The following GAP43 variants were observed in gnomAD, a reference collection of about 807,000 sequenced individuals.
The protein encoded by GAP43 is neuromodulin.
A neutral mutation model predicts 18.6 loss-of-function variants in GAP43; 6 were observed. The ratio of observed to expected loss-of-function variants is 0.32; its 90% CI spans 0.18 to 0.64. The LOEUF is 0.64. GAP43 is among the 30% of genes least tolerant of loss of function. The probability of loss-of-function intolerance (pLI) is 0.78; values close to 1 mark genes in which losing one functional copy is unlikely to be tolerated. For missense variants in GAP43, 292 were observed against 295.5 expected, an observed-to-expected ratio of 0.99 and a Z score of 0.09; for synonymous variants, 115 against 111.4, an observed-to-expected ratio of 1.03 and a Z score of -0.20.
At chr3:115,634,613 T>TA (rs1708306120) in intron 1 of GAP43, among the ~76,000 whole-genome samples, 1 of 151,590 alleles carries the variant, frequency 6.6e-6, no homozygotes, top group Non-Finnish European at 1.5e-5. Context: ...CTACAAAAAA[T>TA]AAAAAAATTA....
chr3:115,623,607 G>A lies in GAP43; in HGVS notation c.-83G>A, dbSNP rs1430968834. 3.2e-6 allele frequency: 5 copies of A among 1,570,780 alleles called. No individual in the cohort carries two copies. Among genetic ancestry groups the A allele is most frequent in the Non-Finnish European group, 4.4e-6 (5 of 1,142,498 alleles). ...GAGAGAGCGAGTGAGCAAGCGAGCA[G>A]AAAAGAGGTGGAGAGGGGGGGAATA... is the stretch of plus-strand genomic sequence containing the variant. On this transcript the variant is annotated 5_prime_UTR_variant, in exon 1 of 3. Transcript: ENST00000305124.
intron 2 of GAP43, among the ~76,000 whole-genome samples, chr3:115,702,658 T>C (rs1479084089): frequency 2.0e-5 from 3 of 152,054 alleles, no homozygotes; most frequent in African/African-American, 4.8e-5. Flanking sequence ...AGACAAGTTA[T>C]AGGTCAGGTA....
In GAP43 at chr3:115,644,969, T is replaced by C. The variant is rs1321286894; in HGVS notation, c.30+21250T>C. 1.3e-5 allele frequency among the ~76,000 whole-genome samples: 2 copies of C among 151,996 alleles called. No individual in the cohort carries two copies. The highest frequency in any genetic ancestry group is 6.6e-5 in the Admixed American group (1 of 15,240). On this transcript the variant is annotated intron_variant, in intron 1 of 2. Coordinates refer to ENST00000305124, the MANE Select transcript of GAP43 (RefSeq NM_002045.4). This position sits in a 1 kb window ranked among gnomAD's most constrained non-coding sequence, Gnocchi z 4.2. ...AACAGTCTTGTTGAGGCAGGGAGCCTAAAGAAGCTATTCAATCTTTTATCT... is the reference window on the plus strand; with the variant it reads ...AACAGTCTTGTTGAGGCAGGGAGCCCAAAGAAGCTATTCAATCTTTTATCT...
At chr3:115,711,139 A>G (rs1016980497) in intron 2 of GAP43, among the ~76,000 whole-genome samples, 13 of 152,196 alleles carry the variant, frequency 8.5e-5, no homozygotes, top group Admixed American at 2.6e-4. Flanking sequence ...TGGGTGTTAA[A>G]GTATCTCTTA....
At chr3:115,690,875 C>T (rs1352468108) in intron 2 of GAP43, among the ~76,000 whole-genome samples, 2 of 151,736 alleles carry the variant, frequency 1.3e-5, no homozygotes, top group Non-Finnish European at 2.9e-5. Context: ...CCTGCCTCAG[C>T]CTCCTGAGTA....
rs1355891858 is a variant in GAP43 at position 115,721,349 on chromosome 3, C to G, written c.*467C>G. The G allele has an allele frequency of 6.6e-6, 1 of 151,634 alleles. No individual in the cohort carries two copies. Among genetic ancestry groups the G allele is most frequent in the Admixed American group, 6.6e-5 (1 of 15,240 alleles). 9.4% of individuals were successfully genotyped at this position (151,634 alleles called of 1,614,324 possible). A position where few individuals can be genotyped will look rare whatever the true frequency, so the allele number is the denominator to read the frequency against. Reference sequence around the variant, plus strand: ...CTCCTTTTCAATGTGATGGAATGAACAAAAAGGAAAAAATTCAAAAAACCC... The same window carrying G: ...CTCCTTTTCAATGTGATGGAATGAAGAAAAAGGAAAAAATTCAAAAAACCC... On this transcript the variant is annotated 3_prime_UTR_variant, in exon 3 of 3. Transcript: ENST00000305124.
Position 115,676,456 on chromosome 3 carries a change from T to C in GAP43, c.474T>C (p.Asp158=). 1 of 1,614,084 alleles carries C rather than the reference T, an allele frequency of 6.2e-7. No homozygotes were observed. Among genetic ancestry groups the C allele is most frequent in the Non-Finnish European group, 8.5e-7 (1 of 1,179,994 alleles). Residue 158 remains aspartate, a synonymous_variant, in exon 2 of 3, where the codon GAT becomes GAC. Transcript: ENST00000305124. ...TDNSPSSKAE[D]APAKEEPKQA... ...ACTCGCCGTCCTCCAAGGCTGAAGA[T>C]GCCCCAGCCAAGGAGGAGCCTAAAC...
chr3:115,628,657 T>C (rs1163276469), intron 1 of GAP43, among the ~76,000 whole-genome samples: 5 of 152,162 alleles, frequency 3.3e-5, no homozygotes, highest in Non-Finnish European at 7.4e-5. Context: ...ATGATATTAA[T>C]AGCTCTCCTT....
chr3:115,669,383 T>G (rs1023355105), intron 1 of GAP43, among the ~76,000 whole-genome samples: 2 of 152,186 alleles, frequency 1.3e-5, no homozygotes, highest in African/African-American at 2.4e-5. Flanking sequence ...GTCATCATCT[T>G]TCTGAAATAG....
chr3:115,695,497 A>G (rs1221831514), intron 2 of GAP43, among the ~76,000 whole-genome samples: 1 of 152,194 alleles, frequency 6.6e-6, no homozygotes, highest in Non-Finnish European at 1.5e-5. Flanking sequence ...AGCATTTTAC[A>G]TGTGTCATCC....
At chr3:115,664,837 T>C (rs1279018075) in intron 1 of GAP43, among the ~76,000 whole-genome samples, 2 of 152,200 alleles carry the variant, frequency 1.3e-5, no homozygotes, top group African/African-American at 4.8e-5. Context: ...AATGGAAGTC[T>C]ATGCATGCTC....
intron 2 of GAP43, among the ~76,000 whole-genome samples, 185 bp from the exon 3 acceptor site, chr3:115,720,609 T>C (rs1365906426): frequency 4.6e-5 from 7 of 152,166 alleles, no homozygotes; most frequent in Non-Finnish European, 1.5e-5. Context: ...CTGAACAGCT[T>C]CCTTGAGGTA....
rs113051844 is a variant in GAP43 at position 115,714,403 on chromosome 3, A to G, written c.629-6391A>G. On this transcript the variant is annotated intron_variant, in intron 2 of 2. Transcript: ENST00000305124. ...TTTGTCAAGGCTAAAATGCCATGGC[A>G]TGGGCAGGTTACAGCTTTCTATCAG... Among the ~76,000 whole-genome samples the G allele has an allele frequency of 2.3e-3, 351 of 152,214 alleles. 1 individual carries two copies. Among genetic ancestry groups the G allele is most frequent in the African/African-American group, 8.2e-3 (342 of 41,468 alleles).
intron 1 of GAP43, among the ~76,000 whole-genome samples, chr3:115,650,859 T>C (rs138532655): frequency 0.017 from 2,616 of 152,274 alleles, 76 homozygotes; most frequent in African/African-American, 0.058. Context: ...TCAGGCATGG[T>C]GGCTCATGCC....
chr3:115,676,577 A>C lies in GAP43; in HGVS notation c.595A>C (p.Thr199Pro). The C allele has an allele frequency of 6.2e-7, 1 of 1,609,642 alleles. No individual in the cohort carries two copies. The highest frequency in any genetic ancestry group is 8.5e-7 in the Non-Finnish European group (1 of 1,179,064). ...AKATAQPPTE[T>P]GESSQAEENI... ...GGCAACAGCCCAGCCTCCAACGGAG[A>C]CTGGGGAGAGCAGCCAAGCTGAAGA... is the stretch of plus-strand genomic sequence containing the variant. Residue 199 changes from threonine (T) to proline (P), a missense_variant, in exon 2 of 3, where the codon ACT becomes CCT. Coordinates refer to ENST00000305124, the MANE Select transcript of GAP43 (RefSeq NM_002045.4).
chr3:115,663,963 C>T (rs531215739), intron 1 of GAP43: 1 of 1,528,246 alleles, frequency 6.5e-7, no homozygotes, highest in Non-Finnish European at 8.9e-7. Context: ...TAGGTTAAAA[C>T]CCTGACTCTG....
chr3:115,720,763 T>G (rs781014863), intron 2 of GAP43, 31 bp from the exon 3 acceptor site: 2 of 1,484,172 alleles, frequency 1.3e-6, no homozygotes, highest in South Asian at 2.3e-5. Context: ...TCTCTCCTTT[T>G]CCCCCCATCC....
intron 1 of GAP43, among the ~76,000 whole-genome samples, chr3:115,668,624 A>G (rs932517636): frequency 2.6e-5 from 4 of 152,064 alleles, no homozygotes; most frequent in African/African-American, 7.2e-5. Context: ...GAGTTTCTCT[A>G]TGTTGGTCAG....
chr3:115,664,105 T>C (rs778454724), intron 1 of GAP43, among the ~76,000 whole-genome samples: 1 of 152,082 alleles, frequency 6.6e-6, no homozygotes, highest in East Asian at 1.9e-4. Context: ...TTAGTTAATA[T>C]ACAAACTATA....
Sources: gnomAD v4.1 joint callset for allele counts (sites outside exome capture counted in the v4.1 genomes callset) on GRCh38, gnomAD v4.1.1 for gene constraint, Gnocchi (gnomAD v3.1) non-coding constraint, MANE v1.5 for transcripts, NCBI Gene and HGNC (gene_info 2026-07-23, HGNC 2026-07-21) for gene names.